Variants in TMEM255A observed in about 807,000 individuals in gnomAD.
TMEM255A encodes family with sequence similarity 70, member A.
In TMEM255A, 14 loss-of-function variants were observed where a neutral mutation model predicts 23.5. That is an observed-to-expected ratio of 0.60 (90% CI 0.39 to 0.93). TMEM255A has a LOEUF of 0.93. Ranked by LOEUF, TMEM255A falls within the 40% of genes least tolerant of loss-of-function variation. The pLI, the probability that TMEM255A is intolerant of heterozygous loss-of-function variation, is 0.00. For synonymous variants in TMEM255A, 104 were observed against 100.3 expected (o/e 1.04, Z -0.22); for missense variants, 233 against 261.7 (o/e 0.89, Z 0.76).
intron 1 of TMEM255A, among the ~76,000 whole-genome samples, chrX:120,310,467 G>C (rs1296789544): frequency 9.0e-6 from 1 of 111,537 alleles, no homozygotes; most frequent in Non-Finnish European, 1.9e-5. Flanking sequence ...TCCGCCCTGC[G>C]AGGAAAAGCG....
In TMEM255A at chrX:120,258,687, A is replaced by G. The variant is rs782445769; in HGVS notation, c.*2183T>C. The G allele has an allele frequency of 8.9e-6, 1 of 112,619 alleles. No homozygotes were observed. The highest frequency in any genetic ancestry group is 1.9e-5 in the Non-Finnish European group (1 of 53,311). 9.3% of individuals were successfully genotyped at this position (112,619 alleles called of 1,213,427 possible). On this transcript the variant is annotated 3_prime_UTR_variant, in exon 9 of 9. Transcript: ENST00000371369. ...GATAGTTTTATTCATTTGAAACATC[A>G]CAAAAGCAGTCTGAGTTTTCAACAT... is the stretch of plus-strand genomic sequence containing the variant.
intron 1 of TMEM255A, among the ~76,000 whole-genome samples, chrX:120,306,054 A>G (rs976423412): frequency 3.6e-5 from 4 of 111,842 alleles, no homozygotes; most frequent in African/African-American, 1.3e-4. Context: ...GGCATCTACA[A>G]TGCTAAAGCA....
At chrX:120,303,348 G>C (rs782342156) in intron 2 of TMEM255A, among the ~76,000 whole-genome samples, 161 of 109,721 alleles carry the variant, frequency 1.5e-3, no homozygotes, top group African/African-American at 4.9e-3. Context: ...TCCTTCTGGA[G>C]GAGGGCAAGT....
At chrX:120,263,524 C>T (rs781998265) in intron 8 of TMEM255A, among the ~76,000 whole-genome samples, 11 of 111,577 alleles carry the variant, frequency 9.9e-5, no homozygotes, top group South Asian at 3.8e-4. Context: ...AAGATCAATG[C>T]GCATTTCCGT....
intron 2 of TMEM255A, among the ~76,000 whole-genome samples, chrX:120,303,299 C>A (rs957384187): frequency 1.5e-4 from 17 of 111,527 alleles, no homozygotes; most frequent in African/African-American, 5.2e-4. Flanking sequence ...GTCACTGGCA[C>A]CCTCTGTCCG....
chrX:120,307,738 C>T (rs181843666), intron 1 of TMEM255A, among the ~76,000 whole-genome samples: 1 of 112,218 alleles, frequency 8.9e-6, no homozygotes, highest in African/African-American at 3.2e-5. Context: ...TCTCTCACTA[C>T]TCTGTCTCCT....
intron 6 of TMEM255A, among the ~76,000 whole-genome samples, chrX:120,284,536 G>GCA (rs199505538): frequency 0.096 from 10,099 of 104,655 alleles, 931 homozygotes; most frequent in African/African-American, 0.28. Context: ...GCACGTGCAC[G>GCA]CACACACACA....
At chrX:120,266,345 G>C (rs1227276337) in intron 8 of TMEM255A, among the ~76,000 whole-genome samples, 1 of 106,480 alleles carries the variant, frequency 9.4e-6, no homozygotes, top group Non-Finnish European at 1.9e-5. Flanking sequence ...CCACCCCCAA[G>C]TCCCTAGACT....
chrX:120,305,737 C>G (rs1336780739), intron 1 of TMEM255A, among the ~76,000 whole-genome samples: 1 of 110,877 alleles, frequency 9.0e-6, no homozygotes, highest in Non-Finnish European at 1.9e-5. Context: ...GGAAACGAAG[C>G]GAGACCCAGG....
chrX:120,268,165 A>G (rs782026335), intron 8 of TMEM255A, 79 bp downstream of exon 8: 4 of 1,041,397 alleles, frequency 3.8e-6, no homozygotes, highest in Admixed American at 5.9e-5. Flanking sequence ...AAGGTTCCAT[A>G]ATTGAATTTA....
At chrX:120,253,443 A>G in the TMEM255A span, 12 of 1,210,930 alleles carry the variant, frequency 9.9e-6, no homozygotes, top group Non-Finnish European at 1.3e-5. Flanking sequence ...GATTTCTGCT[A>G]CAGACATTCA....
intron 6 of TMEM255A, among the ~76,000 whole-genome samples, chrX:120,281,233 C>T (rs1556020859): frequency 8.9e-6 from 1 of 111,979 alleles, no homozygotes; most frequent in Admixed American, 9.4e-5. Context: ...AATAAATACT[C>T]GGTGAATGAG....
rs1391342449 is a variant in TMEM255A at position 120,259,726 on chromosome X, A to C, written c.*1144T>G. 1 of 112,470 alleles carries C rather than the reference A, an allele frequency of 8.9e-6. No individual in the cohort carries two copies. Among genetic ancestry groups the C allele is most frequent in the East Asian group, 2.8e-4 (1 of 3,600 alleles). The allele number at this position is 112,470 out of a possible 1,213,427, so 9.3% of individuals were successfully genotyped here. A position where few individuals can be genotyped will look rare whatever the true frequency, so the allele number is the denominator to read the frequency against. ...TTTAAAGCTATGTGTAATTAAAAGA[A>C]CTGTACAAATACCTACCACGGTGTG... On this transcript the variant is annotated 3_prime_UTR_variant, in exon 9 of 9. Transcript: ENST00000371369.
In TMEM255A at chrX:120,285,625, C is replaced by A. The variant is rs1195285311; in HGVS notation, c.424-410G>T. On this transcript the variant is annotated intron_variant, in intron 5 of 8. Transcript: ENST00000371369. Reference sequence around the variant, plus strand: ...CATGCACTCTGAAGTACAATAGTACCTCTCTAGCTGCCTGGGTAAGGTTCC... The same window carrying A: ...CATGCACTCTGAAGTACAATAGTACATCTCTAGCTGCCTGGGTAAGGTTCC... 2.5e-6 allele frequency: 3 copies of A among 1,209,294 alleles called. No homozygotes were observed. In the African/African-American group the frequency reaches 5.3e-5, roughly 21 times the overall value.
At chrX:120,254,355 C>T, downstream of TMEM255A, 1 of 1,211,600 alleles carries the variant, frequency 8.3e-7, no homozygotes, top group Non-Finnish European at 1.1e-6. Context: ...GCAGAATCAG[C>T]AGACACCAAA....
At chrX:120,265,184 T>C (rs1466242607) in intron 8 of TMEM255A, among the ~76,000 whole-genome samples, 1 of 112,119 alleles carries the variant, frequency 8.9e-6, no homozygotes, top group Non-Finnish European at 1.9e-5. Context: ...CTGACTTTCT[T>C]GTGTAAAGAA....
intron 1 of TMEM255A, among the ~76,000 whole-genome samples, chrX:120,309,599 A>G (rs1187489177): frequency 8.9e-6 from 1 of 112,907 alleles, no homozygotes; most frequent in East Asian, 2.8e-4. Context: ...GAAGCGCAAC[A>G]GCTTGGCGTC....
At chrX:120,302,874 C>T (rs1203284258) in intron 2 of TMEM255A, among the ~76,000 whole-genome samples, 1 of 109,324 alleles carries the variant, frequency 9.1e-6, no homozygotes, top group Non-Finnish European at 1.9e-5. Flanking sequence ...TTAATCTCCC[C>T]TCTCGCTTTG....
At chrX:120,284,257 C>T (rs1176518292) in intron 6 of TMEM255A, among the ~76,000 whole-genome samples, 8 of 112,096 alleles carry the variant, frequency 7.1e-5, no homozygotes, top group African/African-American at 9.7e-5. Flanking sequence ...GTATTCCTAG[C>T]GCCCAAATAT....
Sources: allele counts gnomAD v4.1 joint callset (sites outside exome capture counted in the v4.1 genomes callset), GRCh38; gene constraint gnomAD v4.1.1; transcripts MANE v1.5; gene names NCBI Gene and HGNC (gene_info 2026-07-23, HGNC 2026-07-21).